The following SMARCD3 variants were observed in gnomAD, a reference collection of about 807,000 sequenced individuals.
SMARCD3 encodes the protein SWI/SNF-related matrix-associated actin-dependent regulator of chromatin subfamily D member 3.
Under a neutral mutation model 58.0 loss-of-function variants are expected in SMARCD3, and 14 were observed. That is an observed-to-expected ratio of 0.24 (90% CI 0.16 to 0.38). The LOEUF is 0.38. SMARCD3 is among the 10% of genes least tolerant of loss of function. SMARCD3 has a pLI of 1.00. For missense variants in SMARCD3, 408 were observed against 636.9 expected (o/e 0.64, Z 3.87); for synonymous variants, 253 against 253.8 (o/e 1.00, Z 0.03).
chr7:151,238,992 A>T lies in SMARCD3; in HGVS notation c.*111T>A. The T allele has an allele frequency of 1.6e-6, 2 of 1,223,694 alleles. No homozygotes were observed. Among genetic ancestry groups the T allele is most frequent in the Non-Finnish European group, 2.4e-6 (2 of 829,624 alleles). 75.8% of individuals were successfully genotyped at this position (1,223,694 alleles called of 1,614,324 possible). A position where few individuals can be genotyped will look rare whatever the true frequency, so the allele number is the denominator to read the frequency against. On this transcript the variant is annotated 3_prime_UTR_variant, in exon 13 of 13. Coordinates refer to ENST00000262188, the MANE Select transcript of SMARCD3 (RefSeq NM_001003801.2). ...GGCTGCTGTCAGATGAATGACTTTTAATCCAGCCCCACACCCCAAGGTGGC... is the reference window on the plus strand; with the variant it reads ...GGCTGCTGTCAGATGAATGACTTTTTATCCAGCCCCACACCCCAAGGTGGC...
chr7:151,258,393 C>T (rs1238175832), intron 2 of SMARCD3, among the ~76,000 whole-genome samples: 1 of 151,756 alleles, frequency 6.6e-6, no homozygotes, highest in Non-Finnish European at 1.5e-5. Context: ...GGTGAAACCC[C>T]GTCTCTACTA....
At chr7:151,252,826 T>C (rs1196812118), upstream of SMARCD3, among the ~76,000 whole-genome samples, 4 of 152,156 alleles carry the variant, frequency 2.6e-5, no homozygotes, top group African/African-American at 9.7e-5. Flanking sequence ...CTTCCCTGTT[T>C]GTGTTGGGAT....
chr7:151,249,948 G>T (rs1016692405), upstream of SMARCD3, among the ~76,000 whole-genome samples: 1 of 28,286 alleles, frequency 3.5e-5, no homozygotes, highest in African/African-American at 1.7e-4. The surrounding 1 kb of genome is among the most constrained non-coding windows in gnomAD (Gnocchi z 4.8). Context: ...GGAGCCGTGG[G>T]CTTTGGAACA....
chr7:151,275,860 G>C (rs971329717), intron 1 of SMARCD3, among the ~76,000 whole-genome samples: 1 of 152,204 alleles, frequency 6.6e-6, no homozygotes, highest in Non-Finnish European at 1.5e-5. Context: ...TGAGCAGACG[G>C]TGGGGCATGG....
rs916986901 is a variant in SMARCD3 at position 151,238,827 on chromosome 7, T to G, written c.*276A>C. On this transcript the variant is annotated 3_prime_UTR_variant, in exon 13 of 13. Transcript: ENST00000262188. ...TTAAACATGTCTTCTGCCAAACTGTTTTTAGGTCTAGGGAAAATTGAGTAA... is the reference window on the plus strand; with the variant it reads ...TTAAACATGTCTTCTGCCAAACTGTGTTTAGGTCTAGGGAAAATTGAGTAA... 2.6e-6 allele frequency: 4 copies of G among 1,525,138 alleles called. No individual in the cohort carries two copies. The highest frequency in any genetic ancestry group is 2.4e-5 in the East Asian group (1 of 41,012). 94.5% of individuals were successfully genotyped at this position (1,525,138 alleles called of 1,614,324 possible).
intron 2 of SMARCD3, among the ~76,000 whole-genome samples, chr7:151,269,564 A>G (rs1277141595): frequency 6.6e-6 from 1 of 152,120 alleles, no homozygotes; most frequent in Non-Finnish European, 1.5e-5. Flanking sequence ...AGATAGCTCC[A>G]TGTTGGGGCT....
At position 151,239,641 on chromosome 7, in the gene SMARCD3, G is replaced by T; in HGVS notation, c.1279C>A (p.Gln427Lys). Residue 427 changes from glutamine to lysine, a missense_variant, in exon 11 of 13, where the codon CAG (glutamine) becomes AAG (lysine). Transcript: ENST00000262188. This position sits in a 1 kb window ranked among gnomAD's most constrained non-coding sequence, Gnocchi z 7.0. ...KGYVQDLLRS[Q>K]SRDLKVMTDV... ...CTCTTCACCTTGAGGTCCCGGCTCT[G>T]GGAGCGGAGCAGGTCTTGGACATAG... The T allele has an allele frequency of 6.2e-7, 1 of 1,614,102 alleles. No individual in the cohort carries two copies. Among genetic ancestry groups the T allele is most frequent in the Non-Finnish European group, 8.5e-7 (1 of 1,180,006 alleles).
upstream of SMARCD3, among the ~76,000 whole-genome samples, chr7:151,249,135 G>A (rs1466845937): frequency 1.3e-5 from 2 of 152,016 alleles, no homozygotes; most frequent in African/African-American, 2.4e-5. The surrounding 1 kb of genome is among the most constrained non-coding windows in gnomAD (Gnocchi z 4.8). Flanking sequence ...CATTTCTGAG[G>A]CCCTTTCCCC....
At chr7:151,261,058 C>T (rs569471860) in intron 2 of SMARCD3, among the ~76,000 whole-genome samples, 1 of 152,098 alleles carries the variant, frequency 6.6e-6, no homozygotes, top group African/African-American at 2.4e-5. Flanking sequence ...GGTGGGGAGG[C>T]GGCAGATGTT....
upstream of SMARCD3, chr7:151,248,742 C>CGCT: frequency 8.7e-7 from 1 of 1,148,450 alleles, no homozygotes; most frequent in Non-Finnish European, 1.1e-6. The surrounding 1 kb of genome is among the most constrained non-coding windows in gnomAD (Gnocchi z 6.1). Context: ...CGGCCCACGC[C>CGCT]GCCGCCGCCC....
Position 151,248,667 on chromosome 7 carries a change from C to A in SMARCD3, c.-105G>T. On this transcript the variant is annotated 5_prime_UTR_variant, in exon 1 of 13. Transcript: ENST00000262188. The surrounding 1 kb of genome is among the most constrained non-coding windows in gnomAD (Gnocchi z 6.1). ...ACTCTCCCCTCTGAGTCCTGCTGGG[C>A]TCTCTCACACTTCTACTCGAGCGGA... is the stretch of plus-strand genomic sequence containing the variant. 5 of 1,519,962 alleles carry A rather than the reference C, an allele frequency of 3.3e-6. No individual in the cohort carries two copies. The allele number at this position is 1,519,962 out of a possible 1,614,324, so 94.2% of individuals were successfully genotyped here.
rs941177612 is a variant in SMARCD3, at chr7:151,245,804, T to C, written c.79-133A>G. 2 of 381,898 alleles carry C rather than the reference T, an allele frequency of 5.2e-6. No homozygotes were observed. The highest frequency in any genetic ancestry group is 4.5e-5 in the Admixed American group (1 of 22,144). The allele number at this position is 381,898 out of a possible 1,614,324, so 23.7% of individuals were successfully genotyped here. ...GCTGGTGACCCTGAGCGTTGAGCGA[T>C]GGGTGGGAGCGATGGGTAGGAGGGG... On this transcript the variant is annotated intron_variant, in intron 1 of 12. Coordinates refer to ENST00000262188, the MANE Select transcript of SMARCD3 (RefSeq NM_001003801.2). This position sits in a 1 kb window ranked among gnomAD's most constrained non-coding sequence, Gnocchi z 6.2.
rs1803101511 is a variant in SMARCD3, at chr7:151,243,499, C to G, written c.333+160G>C. Among the ~76,000 whole-genome samples the G allele has an allele frequency of 6.6e-6, 1 of 152,112 alleles. No homozygotes were observed. The highest frequency in any genetic ancestry group is 2.4e-5 in the African/African-American group (1 of 41,416). On this transcript the variant is annotated intron_variant, in intron 3 of 12. Transcript: ENST00000262188. The surrounding 1 kb of genome is among the most constrained non-coding windows in gnomAD (Gnocchi z 4.4). ...GGCTCTGCTGCTTCCCTCCACCTCA[C>G]CCCCTCCCTCTGGCCTGCGGAGCCT...
chr7:151,250,951 G>T (rs892870500), upstream of SMARCD3, among the ~76,000 whole-genome samples: 5 of 152,220 alleles, frequency 3.3e-5, no homozygotes, highest in African/African-American at 1.2e-4. Flanking sequence ...TCTAGCAGGG[G>T]CATGGGAAAC....
At position 151,248,176 on chromosome 7, in the gene SMARCD3, G is replaced by T. The variant is rs1012119105; in HGVS notation, c.78+309C>A. 6.7e-6 allele frequency among the ~76,000 whole-genome samples: 1 copy of T among 149,734 alleles called. No individual in the cohort carries two copies. Among genetic ancestry groups the T allele is most frequent in the Non-Finnish European group, 1.5e-5 (1 of 67,614 alleles). On this transcript the variant is annotated intron_variant, in intron 1 of 12. Transcript: ENST00000262188. This position sits in a 1 kb window ranked among gnomAD's most constrained non-coding sequence, Gnocchi z 6.1. Reference sequence around the variant, plus strand: ...CACCTGGGCCCACAAGGAAAAGAACGAAAGTCAACCTGTCGGCTACAGCGA... The same window carrying T: ...CACCTGGGCCCACAAGGAAAAGAACTAAAGTCAACCTGTCGGCTACAGCGA...
At chr7:151,276,498 A>G in intron 1 of SMARCD3, among the ~76,000 whole-genome samples, 1 of 122,700 alleles carries the variant, frequency 8.1e-6, no homozygotes, top group Non-Finnish European at 1.7e-5. Flanking sequence ...AGGTGGAGGG[A>G]GGATAGGAAG....
At position 151,243,796 on chromosome 7, in the gene SMARCD3, C is replaced by G. The variant is rs926732707; in HGVS notation, c.291-95G>C. The G allele has an allele frequency of 3.1e-5, 28 of 903,610 alleles. No homozygotes were observed. Among genetic ancestry groups the G allele is most frequent in the Non-Finnish European group, 4.7e-5 (25 of 534,378 alleles). 56.0% of individuals were successfully genotyped at this position (903,610 alleles called of 1,614,324 possible). A position where few individuals can be genotyped will look rare whatever the true frequency, so the allele number is the denominator to read the frequency against. On this transcript the variant is annotated intron_variant, in intron 2 of 12. Transcript: ENST00000262188. This position sits in a 1 kb window ranked among gnomAD's most constrained non-coding sequence, Gnocchi z 4.4. Reference sequence around the variant, plus strand: ...AGATTATCCCGACATCTCCGCCCGCCTGGCTGGGGTTCCCACAGCCCACTT... The same window carrying G: ...AGATTATCCCGACATCTCCGCCCGCGTGGCTGGGGTTCCCACAGCCCACTT...
chr7:151,244,835 CAG>C (rs1803176915), intron 2 of SMARCD3, among the ~76,000 whole-genome samples: 1 of 152,218 alleles, frequency 6.6e-6, no homozygotes, highest in South Asian at 2.1e-4. Context: ...TGCCAGGAGC[CAG>C]CAGGGGCTTT....
chr7:151,240,279 G>A (rs1325742267), intron 9 of SMARCD3, 32 bp from the exon 10 acceptor site: 8 of 1,534,296 alleles, frequency 5.2e-6, no homozygotes, highest in African/African-American at 2.0e-5. Context: ...TCGTGTCCAC[G>A]ATGCCCCCAT....
Sources: gnomAD v4.1 joint callset for allele counts (sites outside exome capture counted in the v4.1 genomes callset) on GRCh38, gnomAD v4.1.1 for gene constraint, Gnocchi (gnomAD v3.1) non-coding constraint, MANE v1.5 for transcripts, NCBI Gene and HGNC (gene_info 2026-07-23, HGNC 2026-07-21) for gene names.